CNTNAP5: variants seen among roughly 807,000 people sequenced by gnomAD.
CNTNAP5 encodes contactin associated protein family member 5, also known as contactin-associated protein-like 5.
Under a neutral mutation model 150.2 loss-of-function variants are expected in CNTNAP5, and 72 were observed. The observed-to-expected ratio is 0.48, with a 90% CI of 0.40 to 0.58. The LOEUF is 0.58. Among genes scored for constraint, CNTNAP5 ranks in the 20% least tolerant of loss-of-function variants. The pLI is 0.00. For missense variants in CNTNAP5, 1,636 were observed against 1,626.2 expected (o/e 1.01, Z -0.10); for synonymous variants, 672 against 619.8 (o/e 1.08, Z -1.25).
At chr2:124,790,674 AT>A (rs1335946426) in intron 18 of CNTNAP5, among the ~76,000 whole-genome samples, 1 of 152,184 alleles carries the variant, frequency 6.6e-6, no homozygotes, top group Non-Finnish European at 1.5e-5. Flanking sequence ...GAAAGTTCAT[AT>A]TTAGTTCATT....
intron 14 of CNTNAP5, among the ~76,000 whole-genome samples, chr2:124,749,693 C>T (rs555710312): frequency 2.6e-5 from 4 of 152,232 alleles, no homozygotes; most frequent in East Asian, 1.9e-4. Context: ...GGATTACAGG[C>T]GTGAGCCAAC....
intron 3 of CNTNAP5, among the ~76,000 whole-genome samples, chr2:124,392,754 G>A (rs1691153099): frequency 6.8e-6 from 1 of 147,002 alleles, no homozygotes. Flanking sequence ...GGAAGGGAAG[G>A]AGAATGAAAA....
At chr2:124,360,518 T>A (rs1384076870) in intron 3 of CNTNAP5, among the ~76,000 whole-genome samples, 21 of 139,374 alleles carry the variant, frequency 1.5e-4, no homozygotes, top group Non-Finnish European at 1.1e-4. Flanking sequence ...TGACAAAATC[T>A]CTCAGCATTT....
intron 6 of CNTNAP5, among the ~76,000 whole-genome samples, chr2:124,451,115 A>G: frequency 6.8e-6 from 1 of 146,044 alleles, no homozygotes; most frequent in East Asian, 2.0e-4. Flanking sequence ...ATATATGTAC[A>G]CACACAAATA....
intron 13 of CNTNAP5, among the ~76,000 whole-genome samples, chr2:124,728,687 G>T (rs1003138260): frequency 6.6e-6 from 1 of 151,928 alleles, no homozygotes; most frequent in East Asian, 1.9e-4. Context: ...AATGCTTCAT[G>T]GGAGAGGTAA....
intron 3 of CNTNAP5, among the ~76,000 whole-genome samples, chr2:124,268,669 G>A (rs1241765179): frequency 1.3e-5 from 2 of 152,166 alleles, no homozygotes; most frequent in Non-Finnish European, 2.9e-5. Flanking sequence ...CATCACCCCT[G>A]CCCATTCAAT....
intron 13 of CNTNAP5, among the ~76,000 whole-genome samples, chr2:124,665,415 T>C (rs962340108): frequency 6.6e-6 from 1 of 152,224 alleles, no homozygotes; most frequent in Admixed American, 6.5e-5. Flanking sequence ...ATATTATAGT[T>C]TCAGTGTTAG....
chr2:124,164,090 G>A (rs1319352859), intron 1 of CNTNAP5, among the ~76,000 whole-genome samples: 1 of 152,118 alleles, frequency 6.6e-6, no homozygotes, highest in East Asian at 1.9e-4. Flanking sequence ...TAAAATGCAT[G>A]CCAAATGTTA....
At chr2:124,225,768 C>T (rs1357297987) in intron 2 of CNTNAP5, among the ~76,000 whole-genome samples, 1 of 152,130 alleles carries the variant, frequency 6.6e-6, no homozygotes, top group African/African-American at 2.4e-5. Flanking sequence ...TGATCAACAT[C>T]TCTCCATTTT....
chr2:124,199,540 C>T (rs1196011530), intron 1 of CNTNAP5, among the ~76,000 whole-genome samples: 3 of 151,548 alleles, frequency 2.0e-5, no homozygotes, highest in South Asian at 2.1e-4. Flanking sequence ...CTCAGCCTCC[C>T]GAGTAGCTGG....
At chr2:124,805,310 GGT>G (rs142287812) in intron 19 of CNTNAP5, among the ~76,000 whole-genome samples, 11 of 151,726 alleles carry the variant, frequency 7.2e-5, no homozygotes, top group African/African-American at 2.4e-4. Context: ...AATAGAGAGG[GGT>G]GTGTGTGTGT....
chr2:124,443,494 C>T (rs902336672), intron 5 of CNTNAP5, among the ~76,000 whole-genome samples: 6 of 151,710 alleles, frequency 4.0e-5, no homozygotes, highest in African/African-American at 1.2e-4. Flanking sequence ...CTTGCATACA[C>T]CTAATATTTT....
intron 19 of CNTNAP5, among the ~76,000 whole-genome samples, chr2:124,856,140 G>T (rs188456975): frequency 2.0e-5 from 3 of 151,432 alleles, no homozygotes; most frequent in African/African-American, 2.4e-5. Flanking sequence ...ATTGTGTGTG[G>T]GGGTGTGTGT....
At chr2:124,773,080 C>A in intron 17 of CNTNAP5, 63 bp downstream of exon 17, 4 of 1,307,038 alleles carry the variant, frequency 3.1e-6, no homozygotes, top group Non-Finnish European at 4.4e-6. Context: ...TGACCATGCC[C>A]AAGAAAAAAT....
At chr2:124,243,876 C>G (rs1686948450) in intron 3 of CNTNAP5, among the ~76,000 whole-genome samples, 1 of 151,936 alleles carries the variant, frequency 6.6e-6, no homozygotes, top group South Asian at 2.1e-4. Flanking sequence ...ATTTTGAGGT[C>G]CCCATAAATT....
intron 4 of CNTNAP5, among the ~76,000 whole-genome samples, chr2:124,421,400 CTCTGGGA>C (rs1324683164): frequency 3.3e-5 from 5 of 152,218 alleles, no homozygotes; most frequent in Non-Finnish European, 5.9e-5. Context: ...CTATGCAAAA[CTCTGGGA>C]AGCAGCCTTT....
intron 12 of CNTNAP5, among the ~76,000 whole-genome samples, chr2:124,610,781 A>T (rs1452176801): frequency 6.6e-6 from 1 of 152,130 alleles, no homozygotes; most frequent in Non-Finnish European, 1.5e-5. Context: ...CAACACGGTG[A>T]AACCCTGTCT....
rs1035848316 is a variant in CNTNAP5 at position 124,916,356 on chromosome 2, T to A, written c.*2068T>A. 2.0e-5 allele frequency among the ~76,000 whole-genome samples: 3 copies of A among 152,088 alleles called. No homozygotes were observed. The highest frequency in any genetic ancestry group is 4.4e-5 in the Non-Finnish European group (3 of 67,982). Reference sequence around the variant, plus strand: ...CTGTTTTCCCCTGCCCTTTCCTCCCTTTCTTCAATTTTCATTTTTGAATTT... The same window carrying A: ...CTGTTTTCCCCTGCCCTTTCCTCCCATTCTTCAATTTTCATTTTTGAATTT... On this transcript the variant is annotated 3_prime_UTR_variant, in exon 24 of 24. Transcript: ENST00000682447.
At chr2:124,837,540 T>A (rs949686664) in intron 19 of CNTNAP5, among the ~76,000 whole-genome samples, 2 of 152,172 alleles carry the variant, frequency 1.3e-5, no homozygotes, top group African/African-American at 4.8e-5. Context: ...TTTCACAGTT[T>A]ACTCTATTTT....
Sources: gnomAD v4.1 joint callset for allele counts (sites outside exome capture counted in the v4.1 genomes callset) on GRCh38, gnomAD v4.1.1 for gene constraint, MANE v1.5 for transcripts, NCBI Gene and HGNC (gene_info 2026-07-23, HGNC 2026-07-21) for gene names.